DUX4: variants seen among roughly 807,000 people sequenced by gnomAD.
The protein encoded by DUX4 is double homeobox 4.
At position 190,183,344 on chromosome 4, in the gene DUX4, A is replaced by G. The variant is rs1742626752; in HGVS notation, n.93-1997A>G. 1.9e-5 allele frequency: 2 copies of G among 107,956 alleles called. 1 individual carries two copies. The highest frequency in any genetic ancestry group is 4.3e-5 in the Non-Finnish European group (2 of 46,116). The allele number at this position is 107,956 out of a possible 1,614,324, so 6.7% of individuals were successfully genotyped here. On this transcript the variant is annotated intron_variant and non_coding_transcript_variant, in intron 1 of 2. Transcript: ENST00000563716. ...TAAATCATGGACAAAACGGGTCCCC[A>G]GGAGCTACAGGCTGCAGAAGCAGCT...
downstream of DUX4, chr4:190,175,901 G>T (rs1159258227): frequency 6.2e-5 from 8 of 128,266 alleles, 1 homozygote; most frequent in African/African-American, 2.1e-4. Context: ...ATCCCCTGTA[G>T]AAAAAGCCTG....
chr4:190,177,031 A>T (rs1742337392), downstream of DUX4, among the ~76,000 whole-genome samples: 11 of 151,652 alleles, frequency 7.3e-5, no homozygotes, highest in African/African-American at 1.2e-4. Flanking sequence ...CTGGGTGATC[A>T]GTGCAGAGAT....
intron 1 of DUX4, among the ~76,000 whole-genome samples, chr4:190,181,233 A>AG (rs1742554369): frequency 1.1e-4 from 15 of 134,808 alleles, no homozygotes; most frequent in Admixed American, 3.0e-4. Context: ...CCCCATAGGC[A>AG]AATCCAAGAC....
downstream of DUX4, among the ~76,000 whole-genome samples, chr4:190,176,353 A>C (rs1404026750): frequency 4.9e-4 from 57 of 115,628 alleles, 2 homozygotes; most frequent in African/African-American, 1.4e-3. Flanking sequence ...TGATCAGTGC[A>C]GAGATGTGTC....
Position 190,183,700 on chromosome 4 carries a change from C to A in DUX4, n.93-1641C>A, listed in dbSNP as rs1171669390. On this transcript the variant is annotated intron_variant and non_coding_transcript_variant, in intron 1 of 2. Transcript: ENST00000563716. Reference sequence around the variant, plus strand: ...CCTACGTTCCAAAAGCCTACTCAAGCCATTTGTTCTTATTTTAAGGAAAAT... The same window carrying A: ...CCTACGTTCCAAAAGCCTACTCAAGACATTTGTTCTTATTTTAAGGAAAAT... Among the ~76,000 whole-genome samples, 800 of 112,916 alleles carry A rather than the reference C, an allele frequency of 7.1e-3. 206 individuals are homozygous for A. Among genetic ancestry groups the A allele is most frequent in the Non-Finnish European group, 0.012 (566 of 47,898 alleles). The allele number at this position is 112,916 out of a possible 152,430, so 74.1% of individuals were successfully genotyped here. A position where few individuals can be genotyped will look rare whatever the true frequency, so the allele number is the denominator to read the frequency against.
chr4:190,180,005 T>TTGAGC (rs1742523948), downstream of DUX4, among the ~76,000 whole-genome samples: 2 of 128,796 alleles, frequency 1.6e-5, no homozygotes, highest in Non-Finnish European at 1.6e-5. Flanking sequence ...AGGCAGAGCT[T>TTGAGC]AAACTAGAGT....
At chr4:190,177,883 C>CAGAGCTT (rs1742393342), downstream of DUX4, among the ~76,000 whole-genome samples, 2 of 8,164 alleles carry the variant, frequency 2.4e-4, no homozygotes, top group Non-Finnish European at 4.8e-4. Flanking sequence ...TCCCTGTAGC[C>CAGAGCTT]ATATCCTTGA....
chr4:190,178,953 A>AAAAAGCCCC (rs1742466279), downstream of DUX4, among the ~76,000 whole-genome samples: 1 of 77,860 alleles, frequency 1.3e-5, no homozygotes, highest in Non-Finnish European at 2.8e-5. Flanking sequence ...TCAGTGCAGA[A>AAAAAGCCCC]ATACGTCACA....
At chr4:190,179,627 G>T (rs1742506610), downstream of DUX4, among the ~76,000 whole-genome samples, 6 of 152,244 alleles carry the variant, frequency 3.9e-5, no homozygotes, top group Admixed American at 1.3e-4. Flanking sequence ...TGGGAGATCA[G>T]TGCAGAGATA....
At chr4:190,183,020 CTGGTTA>C (rs1742619897) in intron 1 of DUX4, among the ~76,000 whole-genome samples, 2 of 29,512 alleles carry the variant, frequency 6.8e-5, no homozygotes, top group Non-Finnish European at 2.4e-4. Context: ...GTTAGGGTTA[CTGGTTA>C]GGGTTAGGGG....
At position 190,183,863 on chromosome 4, in the gene DUX4, G is replaced by T. The variant is rs1438783292; in HGVS notation, n.93-1478G>T. Among the ~76,000 whole-genome samples the T allele has an allele frequency of 3.3e-5, 4 of 121,822 alleles. 1 individual carries two copies. The highest frequency in any genetic ancestry group is 9.2e-5 in the Admixed American group (1 of 10,830). 79.9% of individuals were successfully genotyped at this position (121,822 alleles called of 152,430 possible). A position where few individuals can be genotyped will look rare whatever the true frequency, so the allele number is the denominator to read the frequency against. On this transcript the variant is annotated intron_variant and non_coding_transcript_variant, in intron 1 of 2. Transcript: ENST00000563716. ...CATACTGGACAAATGTCTAAGCCTCGTGGTTAGTGGGGACATTGCTGGTGG... is the reference window on the plus strand; with the variant it reads ...CATACTGGACAAATGTCTAAGCCTCTTGGTTAGTGGGGACATTGCTGGTGG...
At chr4:190,183,233 T>G (rs1284918524) in intron 1 of DUX4, 5 of 89,280 alleles carry the variant, frequency 5.6e-5, no homozygotes, top group Admixed American at 1.6e-4. Context: ...ACTTAATATA[T>G]AGGCTATTAA....
At chr4:190,176,281 T>C (rs1298264649), downstream of DUX4, among the ~76,000 whole-genome samples, 1 of 101,748 alleles carries the variant, frequency 9.8e-6, no homozygotes, top group African/African-American at 2.8e-5. Flanking sequence ...TGAGTGAGCA[T>C]TGGAGAGATC....
intron 1 of DUX4, among the ~76,000 whole-genome samples, chr4:190,181,600 GGGT>G (rs1742585198): frequency 1.4e-4 from 3 of 21,008 alleles, no homozygotes; most frequent in Non-Finnish European, 2.6e-4. Flanking sequence ...TACATCACCT[GGGT>G]GATCAGTGCA....
chr4:190,183,107 GGGTTAGGTTTTAGGGTTAA>G lies in DUX4; in HGVS notation n.93-2226_93-2208del, dbSNP rs1178786111. The G allele has an allele frequency of 2.2e-4, 10 of 46,014 alleles. 2 individuals carry two copies. The highest frequency in any genetic ancestry group is 6.2e-4 in the Non-Finnish European group (9 of 14,570). The allele number at this position is 46,014 out of a possible 1,614,324, so 2.9% of individuals were successfully genotyped here. A position where few individuals can be genotyped will look rare whatever the true frequency, so the allele number is the denominator to read the frequency against. ...GGGTTATGGGTTACAGTTAGGGTTA[GGGTTAGGTTTTAGGGTTAA>G]GGTTAGGGTTAGGATTGGGGTTAGG... On this transcript the variant is annotated intron_variant and non_coding_transcript_variant, in intron 1 of 2. Coordinates refer to the DUX4 transcript ENST00000563716.
chr4:190,177,058 T>A (rs1742339336), downstream of DUX4, among the ~76,000 whole-genome samples: 3 of 151,604 alleles, frequency 2.0e-5, no homozygotes, highest in Non-Finnish European at 3.0e-5. Context: ...CAAATCCCCC[T>A]CTAGGCAGAG....
Sources: gnomAD v4.1 joint callset for allele counts (sites outside exome capture counted in the v4.1 genomes callset) on GRCh38, gnomAD v4.1.1 for gene constraint, MANE v1.5 for transcripts, NCBI Gene and HGNC (gene_info 2026-07-23, HGNC 2026-07-21) for gene names.